The following CHN2 variants were observed in gnomAD, a reference collection of about 807,000 sequenced individuals.
The protein encoded by CHN2 is beta-chimaerin.
Under a neutral mutation model 56.3 loss-of-function variants are expected in CHN2, and 35 were observed. The ratio of observed to expected loss-of-function variants is 0.62; its 90% CI spans 0.47 to 0.82. CHN2 has a LOEUF of 0.82. Ranked by LOEUF, CHN2 falls within the 40% of genes least tolerant of loss-of-function variation. CHN2 has a pLI of 0.00. For missense variants in CHN2, 491 were observed against 580.5 expected (o/e 0.85, Z 1.58); for synonymous variants, 210 against 212.8 (o/e 0.99, Z 0.12).
chr7:29,177,556 C>G (rs942435730), intron 2 of CHN2, among the ~76,000 whole-genome samples: 2 of 147,542 alleles, frequency 1.4e-5, no homozygotes, highest in African/African-American at 5.1e-5. Flanking sequence ...GCCTGGCCCC[C>G]TCACTTTTTT....
At chr7:29,264,063 C>G (rs1057315695) in intron 1 of CHN2, among the ~76,000 whole-genome samples, 1 of 150,422 alleles carries the variant, frequency 6.6e-6, no homozygotes, top group African/African-American at 2.5e-5. Flanking sequence ...ATCCGGCCGC[C>G]GCCCCGTCCG....
chr7:29,178,913 T>TA (rs959516419), intron 2 of CHN2, among the ~76,000 whole-genome samples: 4 of 152,308 alleles, frequency 2.6e-5, no homozygotes, highest in African/African-American at 9.6e-5. Context: ...TACAAACTAA[T>TA]AAAAAGAACA....
At chr7:29,186,891 A>G (rs2128749658) in intron 2 of CHN2, among the ~76,000 whole-genome samples, 1 of 152,282 alleles carries the variant, frequency 6.6e-6, no homozygotes, top group South Asian at 2.1e-4. Flanking sequence ...AACCAAAAAG[A>G]GCAGGGATGA....
intron 1 of CHN2, among the ~76,000 whole-genome samples, chr7:29,271,938 T>C (rs941174038): frequency 1.3e-5 from 2 of 152,172 alleles, no homozygotes; most frequent in Admixed American, 6.5e-5. Context: ...TGGTTCTTTA[T>C]AGATGAAATC....
At chr7:29,227,721 A>C (rs1467790349) in intron 1 of CHN2, among the ~76,000 whole-genome samples, 1 of 152,116 alleles carries the variant, frequency 6.6e-6, no homozygotes, top group African/African-American at 2.4e-5. Flanking sequence ...TGGAACCTGA[A>C]TCCAGTAGTG....
chr7:29,241,397 T>TG (rs1787670475), intron 1 of CHN2, among the ~76,000 whole-genome samples: 1 of 151,866 alleles, frequency 6.6e-6, no homozygotes, highest in African/African-American at 2.4e-5. Context: ...ATAGAAAGAG[T>TG]GGGGGCCAGG....
chr7:29,221,948 A>G (rs1785838269), intron 1 of CHN2, among the ~76,000 whole-genome samples: 1 of 152,186 alleles, frequency 6.6e-6, no homozygotes, highest in South Asian at 2.1e-4. Context: ...TTATCATAGA[A>G]TGATTTATAT....
At chr7:29,473,470 G>GTGTTTT (rs1554298943) in intron 6 of CHN2, among the ~76,000 whole-genome samples, 1 of 93,526 alleles carries the variant, frequency 1.1e-5, no homozygotes, top group Non-Finnish European at 2.0e-5. Flanking sequence ...GTGTGTTTGT[G>GTGTTTT]TTTTTTTTTT....
At chr7:29,345,592 G>C (rs1288243424) in intron 1 of CHN2, among the ~76,000 whole-genome samples, 4 of 152,156 alleles carry the variant, frequency 2.6e-5, no homozygotes. Flanking sequence ...TAAAGGGCAA[G>C]AGGAGAGACA....
chr7:29,324,390 C>T (rs1238762505), intron 1 of CHN2, among the ~76,000 whole-genome samples: 1 of 152,118 alleles, frequency 6.6e-6, no homozygotes, highest in Admixed American at 6.5e-5. Context: ...TAAACCATAG[C>T]CTAAATGTCT....
chr7:29,319,324 C>T (rs1252254262), intron 1 of CHN2, among the ~76,000 whole-genome samples: 1 of 152,144 alleles, frequency 6.6e-6, no homozygotes, highest in Admixed American at 6.5e-5. Context: ...TACTAGGCTC[C>T]AAGCGAGTTG....
At chr7:29,186,991 A>G (rs775991661) in intron 2 of CHN2, among the ~76,000 whole-genome samples, 2 of 152,246 alleles carry the variant, frequency 1.3e-5, no homozygotes, top group African/African-American at 4.8e-5. Context: ...AAATGAGGAT[A>G]ACAATTCTCA....
chr7:29,335,674 A>G (rs1796556666), intron 1 of CHN2: 1 of 152,268 alleles, frequency 6.6e-6, no homozygotes, highest in African/African-American at 2.4e-5. Flanking sequence ...GGAGACTTAC[A>G]ATAAACTCGA....
intron 6 of CHN2, among the ~76,000 whole-genome samples, chr7:29,411,881 G>C (rs2040756): frequency 0.6 from 91,569 of 151,974 alleles, 29,452 homozygotes; most frequent in African/African-American, 0.84. Context: ...GCAGTTCATT[G>C]CTGCCTTGCC....
At chr7:29,500,091 T>A in intron 9 of CHN2, 51 bp downstream of exon 9, 1 of 1,371,882 alleles carries the variant, frequency 7.3e-7, no homozygotes, top group Non-Finnish European at 9.6e-7. Flanking sequence ...ATTTTTATTG[T>A]TTGTTTTTAC....
intron 1 of CHN2, among the ~76,000 whole-genome samples, chr7:29,264,816 A>C (rs1309032829): frequency 1.8e-5 from 2 of 108,602 alleles, no homozygotes; most frequent in Non-Finnish European, 3.6e-5. Flanking sequence ...AAATACTAAA[A>C]GGGGAAAAAA....
At chr7:29,222,844 G>A (rs1785911263) in intron 1 of CHN2, among the ~76,000 whole-genome samples, 1 of 152,112 alleles carries the variant, frequency 6.6e-6, no homozygotes, top group African/African-American at 2.4e-5. Context: ...GTTAGATATT[G>A]ACTTATTATA....
intron 1 of CHN2, among the ~76,000 whole-genome samples, chr7:29,300,172 C>A (rs3793300): frequency 3.9e-5 from 6 of 152,132 alleles, no homozygotes; most frequent in Non-Finnish European, 5.9e-5. Context: ...GATTATGGAA[C>A]GTCTTACATG....
intron 2 of CHN2, among the ~76,000 whole-genome samples, chr7:29,177,702 T>TCATC (rs993855741): frequency 2.0e-5 from 3 of 151,910 alleles, no homozygotes; most frequent in South Asian, 2.1e-4. Flanking sequence ...ATCTGTGCAG[T>TCATC]CATCCATCCA....
Sources: gnomAD v4.1 joint callset for allele counts (sites outside exome capture counted in the v4.1 genomes callset) on GRCh38, gnomAD v4.1.1 for gene constraint, MANE v1.5 for transcripts, NCBI Gene and HGNC (gene_info 2026-07-23, HGNC 2026-07-21) for gene names.